Variants in MYO3B observed in about 807,000 individuals in gnomAD.
The protein encoded by MYO3B is myosin IIIB, also known as myosin-IIIb.
A neutral mutation model predicts 174.6 loss-of-function variants in MYO3B; 156 were observed. The ratio of observed to expected loss-of-function variants is 0.89; its 90% CI spans 0.78 to 1.02. MYO3B has a LOEUF of 1.02. Among genes scored for constraint, MYO3B ranks in the 50% least tolerant of loss-of-function variants. The probability of loss-of-function intolerance (pLI) is 0.00; values close to 1 mark genes in which losing one functional copy is unlikely to be tolerated. For missense variants in MYO3B, 1,632 were observed against 1,639.4 expected (o/e 1.00, Z 0.08); for synonymous variants, 563 against 569.1 (o/e 0.99, Z 0.15).
intron 7 of MYO3B, among the ~76,000 whole-genome samples, chr2:170,245,902 A>G (rs539335841): frequency 6.6e-6 from 1 of 152,348 alleles, no homozygotes; most frequent in South Asian, 2.1e-4. Flanking sequence ...CACGTTGTGC[A>G]CATGTACCCT....
intron 6 of MYO3B, among the ~76,000 whole-genome samples, chr2:170,229,724 A>C (rs1051873086): frequency 6.6e-6 from 1 of 152,238 alleles, no homozygotes; most frequent in Non-Finnish European, 1.5e-5. Context: ...TGAATCTAGA[A>C]GCTCATATAT....
chr2:170,384,013 C>T, intron 12 of MYO3B, 199 bp downstream of exon 12: 2 of 516,804 alleles, frequency 3.9e-6, no homozygotes, highest in South Asian at 2.9e-5. Flanking sequence ...AAATGCTTTT[C>T]AAGAAACATA....
chr2:170,467,815 C>CAA (rs33945733), intron 25 of MYO3B, among the ~76,000 whole-genome samples: 21,389 of 110,100 alleles, frequency 0.19, 1,997 homozygotes, highest in African/African-American at 0.32. Flanking sequence ...AAAGATAAGG[C>CAA]AAAAAAAAAA....
At chr2:170,576,011 G>A (rs1192127647) in intron 32 of MYO3B, among the ~76,000 whole-genome samples, 1 of 152,178 alleles carries the variant, frequency 6.6e-6, no homozygotes, top group Non-Finnish European at 1.5e-5. Context: ...CCAAGATCAT[G>A]AGGCAATTAG....
chr2:170,459,407 C>G (rs1316834172), intron 23 of MYO3B, among the ~76,000 whole-genome samples: 1 of 152,206 alleles, frequency 6.6e-6, no homozygotes, highest in African/African-American at 2.4e-5. Context: ...TAGCCAAACA[C>G]AAAGTTCTCC....
At chr2:170,553,307 C>T (rs1263582472) in intron 32 of MYO3B, among the ~76,000 whole-genome samples, 2 of 152,156 alleles carry the variant, frequency 1.3e-5, no homozygotes, top group African/African-American at 2.4e-5. Context: ...AGCAGCCAAA[C>T]TTGCAGAACC....
chr2:170,439,394 A>AT (rs142181495), intron 22 of MYO3B, among the ~76,000 whole-genome samples: 26,645 of 151,492 alleles, frequency 0.18, 2,966 homozygotes, highest in African/African-American at 0.32. Context: ...AATAATAATA[A>AT]TTTTTTGTTA....
intron 30 of MYO3B, among the ~76,000 whole-genome samples, chr2:170,534,648 C>T (rs2106181544): frequency 6.6e-6 from 1 of 152,242 alleles, no homozygotes; most frequent in South Asian, 2.1e-4. Flanking sequence ...CTGTGTTGCC[C>T]AGGCTGGTCT....
At chr2:170,524,161 T>C (rs1377911897) in intron 30 of MYO3B, among the ~76,000 whole-genome samples, 1 of 152,208 alleles carries the variant, frequency 6.6e-6, no homozygotes, top group Non-Finnish European at 1.5e-5. Flanking sequence ...ATGCCAGTTT[T>C]TTTTCCCCCC....
intron 21 of MYO3B, among the ~76,000 whole-genome samples, chr2:170,406,898 G>A (rs150639837): frequency 0.019 from 2,955 of 152,150 alleles, 46 homozygotes; most frequent in Non-Finnish European, 0.03. Flanking sequence ...TGATCACTCA[G>A]ATCTCATGAG....
chr2:170,254,636 G>A (rs1265943331), intron 7 of MYO3B, among the ~76,000 whole-genome samples: 3 of 152,184 alleles, frequency 2.0e-5, no homozygotes, highest in African/African-American at 7.2e-5. Context: ...AAAGCCACAG[G>A]CCTTGTCCCA....
chr2:170,538,976 A>G (rs941870219), intron 30 of MYO3B, among the ~76,000 whole-genome samples: 12 of 152,244 alleles, frequency 7.9e-5, no homozygotes, highest in African/African-American at 2.9e-4. Flanking sequence ...AGAAAACAAT[A>G]TCACACTTCA....
intron 22 of MYO3B, among the ~76,000 whole-genome samples, chr2:170,426,319 AC>A (rs1419170624): frequency 6.6e-6 from 1 of 150,814 alleles, no homozygotes; most frequent in African/African-American, 2.4e-5. Flanking sequence ...AGCCTGGGTG[AC>A]AGAGCAAGAC....
intron 8 of MYO3B, among the ~76,000 whole-genome samples, chr2:170,353,008 A>G (rs1293586485): frequency 6.6e-6 from 1 of 152,230 alleles, no homozygotes; most frequent in African/African-American, 2.4e-5. Flanking sequence ...AATTTCTTAC[A>G]AAAGTAAACA....
At chr2:170,189,303 T>C (rs2092510483) in intron 1 of MYO3B, among the ~76,000 whole-genome samples, 1 of 152,092 alleles carries the variant, frequency 6.6e-6, no homozygotes, top group African/African-American at 2.4e-5. Context: ...TAAGGTGGTT[T>C]TCTTTGGGTT....
At chr2:170,568,108 C>T (rs775318507) in intron 32 of MYO3B, among the ~76,000 whole-genome samples, 58 of 152,246 alleles carry the variant, frequency 3.8e-4, no homozygotes, top group Middle Eastern at 3.4e-3. Context: ...CAGACCAGAC[C>T]GTACAAATAT....
At chr2:170,252,889 T>C (rs1456844128) in intron 7 of MYO3B, among the ~76,000 whole-genome samples, 1 of 152,004 alleles carries the variant, frequency 6.6e-6, no homozygotes, top group Admixed American at 6.6e-5. Flanking sequence ...ATTTTAGGAA[T>C]AGCAAGGAGA....
intron 1 of MYO3B, among the ~76,000 whole-genome samples, chr2:170,191,532 G>A (rs113478777): frequency 2.0e-5 from 3 of 152,052 alleles, no homozygotes; most frequent in African/African-American, 7.2e-5. Context: ...ATTTCCCCCC[G>A]GCTAGGTTGT....
chr2:170,235,873 A>C, intron 6 of MYO3B, 118 bp from the exon 7 acceptor site: 4 of 1,189,262 alleles, frequency 3.4e-6, no homozygotes, highest in Non-Finnish European at 4.9e-6. Flanking sequence ...TATTACTGGA[A>C]TTCAATATCA....
Sources: allele counts gnomAD v4.1 joint callset (sites outside exome capture counted in the v4.1 genomes callset), GRCh38; gene constraint gnomAD v4.1.1; transcripts MANE v1.5; gene names NCBI Gene and HGNC (gene_info 2026-07-23, HGNC 2026-07-21).